Variants in STK32C observed in about 807,000 individuals in gnomAD.
STK32C encodes the protein serine/threonine kinase 32C.
Under a neutral mutation model 56.5 loss-of-function variants are expected in STK32C, and 31 were observed. The ratio of observed to expected loss-of-function variants is 0.55; its 90% CI spans 0.41 to 0.74. The LOEUF is 0.74. Among genes scored for constraint, STK32C ranks in the 30% least tolerant of loss-of-function variants. The pLI is 0.00. For missense variants in STK32C, 544 were observed against 676.9 expected (o/e 0.80, Z 2.18); for synonymous variants, 309 against 289.4 (o/e 1.07, Z -0.69).
upstream of STK32C, among the ~76,000 whole-genome samples, chr10:132,312,046 G>T (rs2066233070): frequency 6.6e-6 from 1 of 152,122 alleles, no homozygotes; most frequent in South Asian, 2.1e-4. Context: ...TCACTGTGTT[G>T]CCCAGACTGG....
At chr10:132,249,157 T>C (rs2063803001) in intron 1 of STK32C, 2 of 188,358 alleles carry the variant, frequency 1.1e-5, no homozygotes, top group Non-Finnish European at 2.2e-5. Flanking sequence ...GGGCGGGGCG[T>C]GCAGGGGGCG....
At chr10:132,230,724 C>A (rs959327579) in intron 2 of STK32C, among the ~76,000 whole-genome samples, 14 of 147,044 alleles carry the variant, frequency 9.5e-5, no homozygotes, top group Non-Finnish European at 1.8e-4. Flanking sequence ...GGAGCGGCGC[C>A]AGCACCCGCA....
rs148551772 is a variant in STK32C at position 132,234,024 on chromosome 10, C to T, written c.319-5896G>A. 1.2e-4 allele frequency among the ~76,000 whole-genome samples: 18 copies of T among 152,284 alleles called. 1 individual carries two copies. In the East Asian group the frequency reaches 3.1e-3, roughly 26 times the overall value. On this transcript the variant is annotated intron_variant, in intron 2 of 11. Coordinates refer to ENST00000298630, the MANE Select transcript of STK32C (RefSeq NM_173575.4). The stretch of plus-strand genomic sequence containing the variant: ...TGGTGCTTGCATGCAAGCGATCGTT[C>T]CGATGAGGTCTGGGATTCTTGGCTA...
In STK32C at chr10:132,248,243, G is replaced by A. The variant is rs528477253; in HGVS notation, c.263-2288C>T. ...GAAAGTCAGCTGTGAACCAGCACGTGGGACAGATGGGCTGAACTAGTGGAG... is the reference window on the plus strand; with the variant it reads ...GAAAGTCAGCTGTGAACCAGCACGTAGGACAGATGGGCTGAACTAGTGGAG... On this transcript the variant is annotated intron_variant, in intron 1 of 11. Transcript: ENST00000298630. 7.2e-5 allele frequency among the ~76,000 whole-genome samples: 11 copies of A among 152,382 alleles called. No homozygotes were observed. In the East Asian group the frequency reaches 1.9e-3, roughly 27 times the overall value.
chr10:132,307,581 T>C lies in STK32C; in HGVS notation c.253A>G (p.Lys85Glu), dbSNP rs1351710962. Residue 85 changes from lysine (K) to glutamate (E), a missense_variant, in exon 1 of 12, where the codon AAG (lysine) becomes GAG (glutamate). Physicochemically the swap from Lys to Glu is moderately conservative, Grantham distance 56 (BLOSUM62 1). Around this residue, in one of 3 missense-constraint regions of STK32C, gnomAD observed 182 missense variants for 217.7 expected, o/e 0.84. Transcript: ENST00000298630. The surrounding 1 kb of genome is among the most constrained non-coding windows in gnomAD (Gnocchi z 4.4). ...CCGTGCCCGCACTCACCGTCCTCCT[T>C]GTCGTCAAACACCGGCCTCCGCGCG... is the stretch of plus-strand genomic sequence containing the variant. ...ATARRPVFDD[K>E]EDVNFDHFQI... 1 of 1,524,296 alleles carries C rather than the reference T, an allele frequency of 6.6e-7. No individual in the cohort carries two copies. Among genetic ancestry groups the C allele is most frequent in the Admixed American group, 1.9e-5 (1 of 51,674 alleles). 94.4% of individuals were successfully genotyped at this position (1,524,296 alleles called of 1,614,324 possible).
At position 132,225,279 on chromosome 10, in the gene STK32C, T is replaced by TCCA. The variant is rs1401783672; in HGVS notation, c.827_829dup (p.Val276dup). On this transcript the variant is annotated inframe_insertion, in exon 7 of 12. Transcript: ENST00000298630. The stretch of plus-strand genomic sequence containing the variant: ...GGCCATCACCCCCACCGACCACCAG[T>TCCA]CCACCTCGAAGGAGTAGCCGGTCCC... 1 of 1,610,312 alleles carries TCCA rather than the reference T, an allele frequency of 6.2e-7. No individual in the cohort carries two copies. The highest frequency in any genetic ancestry group is 2.2e-5 in the East Asian group (1 of 44,568).
chr10:132,242,157 G>A (rs1010547385), intron 2 of STK32C, among the ~76,000 whole-genome samples: 1 of 151,524 alleles, frequency 6.6e-6, no homozygotes, highest in Non-Finnish European at 1.5e-5. Flanking sequence ...AGAACAGAAC[G>A]TTTCTTGCCC....
At chr10:132,295,644 G>A (rs773004259) in intron 1 of STK32C, among the ~76,000 whole-genome samples, 6 of 152,090 alleles carry the variant, frequency 3.9e-5, no homozygotes, top group African/African-American at 7.2e-5. Flanking sequence ...CCAGCACTTC[G>A]GGGGGCCGAG....
chr10:132,276,273 C>G (rs1202248055), intron 1 of STK32C, among the ~76,000 whole-genome samples: 1 of 152,202 alleles, frequency 6.6e-6, no homozygotes, highest in Non-Finnish European at 1.5e-5. Flanking sequence ...TGATGAGATG[C>G]CACCACGCCA....
At chr10:132,305,692 C>T (rs1206320617) in intron 1 of STK32C, among the ~76,000 whole-genome samples, 1 of 152,252 alleles carries the variant, frequency 6.6e-6, no homozygotes, top group Non-Finnish European at 1.5e-5. Context: ...CATCCACACT[C>T]AGAGGTGCAG....
chr10:132,253,893 G>C (rs1156915250), intron 1 of STK32C, among the ~76,000 whole-genome samples: 3 of 152,276 alleles, frequency 2.0e-5, no homozygotes, highest in Non-Finnish European at 4.4e-5. Flanking sequence ...CCGCCCTGCA[G>C]GGACCCGCCT....
intron 1 of STK32C, among the ~76,000 whole-genome samples, chr10:132,263,329 T>C (rs2138082088): frequency 6.6e-6 from 1 of 152,198 alleles, no homozygotes; most frequent in African/African-American, 2.4e-5. Context: ...CTAAGCGACT[T>C]AATGCAGGAA....
At chr10:132,220,348 GA>G (rs2062598028) in intron 10 of STK32C, among the ~76,000 whole-genome samples, 3 of 152,378 alleles carry the variant, frequency 2.0e-5, no homozygotes, top group African/African-American at 7.2e-5. Context: ...AGAGCCTTCA[GA>G]GGGGGCACGG....
rs1276239941 is a variant in STK32C, at chr10:132,307,052, C to G, written c.262+520G>C. 6.6e-6 allele frequency: 1 copy of G among 152,366 alleles called. No individual in the cohort carries two copies. Among genetic ancestry groups the G allele is most frequent in the Non-Finnish European group, 1.5e-5 (1 of 68,132 alleles). The allele number at this position is 152,366 out of a possible 1,614,324, so 9.4% of individuals were successfully genotyped here. ...CCTGGCAGGGCAGGTCTTTGCACAA[C>G]GGCCTGGCCCTGCCTCCAGCGCACA... On this transcript the variant is annotated intron_variant, in intron 1 of 11. Transcript: ENST00000298630. The surrounding 1 kb of genome is among the most constrained non-coding windows in gnomAD (Gnocchi z 4.4).
chr10:132,219,589 G>A (rs944774599), intron 10 of STK32C, among the ~76,000 whole-genome samples: 1 of 152,158 alleles, frequency 6.6e-6, no homozygotes, highest in Non-Finnish European at 1.5e-5. Context: ...CCCCAACCCC[G>A]AGAACCTTCC....
chr10:132,290,707 C>T (rs959492979), intron 1 of STK32C, among the ~76,000 whole-genome samples: 1 of 152,222 alleles, frequency 6.6e-6, no homozygotes, highest in African/African-American at 2.4e-5. Flanking sequence ...CCCTGGGGCG[C>T]TGGACATTGC....
At chr10:132,283,755 C>T (rs1014183851) in intron 1 of STK32C, among the ~76,000 whole-genome samples, 4 of 152,148 alleles carry the variant, frequency 2.6e-5, no homozygotes, top group South Asian at 2.1e-4. Context: ...CGTCCGACTC[C>T]GCTGCGCCTG....
chr10:132,331,631 G>C, exon 1 of STK32C: 1 of 1,612,848 alleles, frequency 6.2e-7, no homozygotes, highest in Non-Finnish European at 8.5e-7. Flanking sequence ...AGGCAGCGAG[G>C]ACCGCTCCAA....
intron 2 of STK32C, among the ~76,000 whole-genome samples, chr10:132,238,108 G>A (rs541203331): frequency 6.6e-6 from 1 of 152,286 alleles, no homozygotes; most frequent in Admixed American, 6.5e-5. Context: ...ACTGCCAGCA[G>A]TGCTGGCGGG....
Sources: allele counts gnomAD v4.1 joint callset (sites outside exome capture counted in the v4.1 genomes callset), GRCh38; gene constraint gnomAD v4.1.1; regional missense constraint gnomAD v4.1.1; non-coding constraint Gnocchi (gnomAD v3.1); transcripts MANE v1.5; gene names NCBI Gene and HGNC (gene_info 2026-07-23, HGNC 2026-07-21).